The following ZNF248 variants were observed in gnomAD, a reference collection of about 807,000 sequenced individuals.
The protein encoded by ZNF248 is KRAB protein domain.
Under a neutral mutation model 44.3 loss-of-function variants are expected in ZNF248, and 20 were observed. The ratio of observed to expected loss-of-function variants is 0.45; its 90% confidence interval spans 0.32 to 0.66. ZNF248 has a LOEUF of 0.66. Among genes scored for constraint, ZNF248 ranks in the 30% least tolerant of loss-of-function variants. The pLI is 0.04. For missense variants in ZNF248, 654 were observed against 677.0 expected, an observed-to-expected ratio of 0.97 and a Z score of 0.38; for synonymous variants, 224 against 229.0, an observed-to-expected ratio of 0.98 and a Z score of 0.20.
At chr10:37,795,713 A>G (rs2049075219) in intron 6 of ZNF248, 1 of 152,178 alleles carries the variant, frequency 6.6e-6, no homozygotes, top group Non-Finnish European at 1.5e-5. Context: ...TATCACATTC[A>G]TGAGGCACCT....
chr10:37,824,719 T>C, downstream of ZNF248, among the ~76,000 whole-genome samples: 1 of 116,852 alleles, frequency 8.6e-6, no homozygotes, highest in South Asian at 3.0e-4. Context: ...TCTCCCTCTG[T>C]AGCCCAGGCT....
intron 3 of ZNF248, among the ~76,000 whole-genome samples, 155 bp from the exon 4 acceptor site, chr10:37,838,266 T>C (rs527833486): frequency 8.5e-5 from 13 of 152,332 alleles, no homozygotes; most frequent in East Asian, 3.9e-4. Flanking sequence ...CTTGTATAAA[T>C]TGAGTTTCTA....
chr10:37,776,641 T>C lies in ZNF248; in HGVS notation c.331-66A>G, dbSNP rs533081676. On this transcript the variant is annotated intron_variant, in intron 6 of 6. Transcript: ENST00000615949. Reference sequence around the variant, plus strand: ...GGTTCCAAATCTCAAAGAACTTCCTTGTCTAAACTCTGAAGGCACTGACTA... The same window carrying C: ...GGTTCCAAATCTCAAAGAACTTCCTCGTCTAAACTCTGAAGGCACTGACTA... The C allele has an allele frequency of 5.6e-5, 22 of 396,072 alleles. No individual in the cohort carries two copies. In the South Asian group the frequency reaches 2.7e-3, roughly 49 times the overall value. The allele number at this position is 396,072 out of a possible 1,614,324, so 24.5% of individuals were successfully genotyped here.
chr10:37,834,863 T>C (rs749606910), intron 5 of ZNF248, among the ~76,000 whole-genome samples: 8 of 152,186 alleles, frequency 5.3e-5, no homozygotes, highest in South Asian at 2.1e-4. Context: ...ATTTAAGATA[T>C]AGAATAGGAC....
intron 3 of ZNF248, among the ~76,000 whole-genome samples, chr10:37,841,093 G>A (rs986527136): frequency 1.3e-5 from 2 of 152,292 alleles, no homozygotes; most frequent in South Asian, 2.1e-4. Flanking sequence ...TTGTGTCATA[G>A]ATGAAAAGGC....
chr10:37,825,696 C>T (rs2054269590), downstream of ZNF248, among the ~76,000 whole-genome samples: 1 of 152,158 alleles, frequency 6.6e-6, no homozygotes. Context: ...CCACGTCGGC[C>T]TCCCAAAGTG....
the ZNF248 span, among the ~76,000 whole-genome samples, chr10:37,762,493 T>C: frequency 2.0e-5 from 3 of 152,152 alleles, no homozygotes; most frequent in Non-Finnish European, 2.9e-5. Context: ...GTATCAGGGG[T>C]AAGCAAACTT....
intron 3 of ZNF248, among the ~76,000 whole-genome samples, chr10:37,854,008 A>C (rs1168662315): frequency 6.6e-6 from 1 of 152,318 alleles, no homozygotes; most frequent in Non-Finnish European, 1.5e-5. Flanking sequence ...CACAAGGAGA[A>C]GAAAGCATCA....
At chr10:37,819,249 G>A (rs1412933309) in intron 6 of ZNF248, 12 of 865,160 alleles carry the variant, frequency 1.4e-5, no homozygotes, top group African/African-American at 6.6e-5. Context: ...AATTTGTGCC[G>A]TTTCAGATAG....
In ZNF248 at chr10:37,829,548, C is replaced by A; in HGVS notation, c.*2067G>T. On this transcript the variant is annotated 3_prime_UTR_variant, in exon 6 of 6. Coordinates refer to ENST00000395867, the MANE Select transcript of ZNF248 (RefSeq NM_021045.3). The stretch of plus-strand genomic sequence containing the variant: ...CCTTCAGCTCTAAGTATCAGACAGC[C>A]CTAAGACCAAATAAAAAACAGTTAT... 1 of 985,304 alleles carries A rather than the reference C, an allele frequency of 1.0e-6. No individual in the cohort carries two copies. The highest frequency in any genetic ancestry group is 4.7e-5 in the South Asian group (1 of 21,274). 61.0% of individuals were successfully genotyped at this position (985,304 alleles called of 1,614,324 possible). A position where few individuals can be genotyped will look rare whatever the true frequency, so the allele number is the denominator to read the frequency against.
chr10:37,813,507 CATCA>C (rs1173201851), intron 6 of ZNF248, among the ~76,000 whole-genome samples: 2 of 152,174 alleles, frequency 1.3e-5, no homozygotes, highest in Non-Finnish European at 2.9e-5. Flanking sequence ...CCCTCCTCCT[CATCA>C]GCCTATTCAA....
At chr10:37,834,324 G>A (rs2056627748) in intron 5 of ZNF248, among the ~76,000 whole-genome samples, 1 of 151,926 alleles carries the variant, frequency 6.6e-6, no homozygotes, top group Non-Finnish European at 1.5e-5. Flanking sequence ...TCCAGAACTT[G>A]GCAGGTGTTA....
downstream of ZNF248, among the ~76,000 whole-genome samples, chr10:37,826,912 A>G (rs116589505): frequency 7.2e-4 from 109 of 152,320 alleles, no homozygotes; most frequent in African/African-American, 2.5e-3. Flanking sequence ...GCTCATATAT[A>G]TTGGTTACAG....
intron 3 of ZNF248, among the ~76,000 whole-genome samples, chr10:37,854,845 C>T (rs1333698877): frequency 6.6e-6 from 1 of 152,176 alleles, no homozygotes; most frequent in African/African-American, 2.4e-5. Flanking sequence ...TATTCATGTT[C>T]TGTCAGAGAA....
chr10:37,797,732 A>T (rs2049323289), intron 6 of ZNF248, among the ~76,000 whole-genome samples: 1 of 152,164 alleles, frequency 6.6e-6, no homozygotes. Context: ...CATTAGGGAA[A>T]ATCAACTCAA....
rs751553935 is a variant in ZNF248, at chr10:37,832,975, G to T, written c.380C>A (p.Thr127Lys). 2.5e-6 allele frequency: 4 copies of T among 1,613,638 alleles called. No individual in the cohort carries two copies. In the East Asian group the frequency reaches 8.9e-5, roughly 36 times the overall value. ...DRGSKTFNLG[T>K]DPVSLRNYPY... is the part of the protein sequence containing the mutation. ...ATAATTTCTTAAAGAAACAGGGTCTGTGCCCAAATTGAAAGTTTTGCTTCC... is the reference window on the plus strand; with the variant it reads ...ATAATTTCTTAAAGAAACAGGGTCTTTGCCCAAATTGAAAGTTTTGCTTCC... Residue 127 changes from threonine to lysine, a missense_variant, in exon 6 of 6, where the codon ACA becomes AAA. Transcript: ENST00000395867.
intron 5 of ZNF248, among the ~76,000 whole-genome samples, chr10:37,836,691 G>T (rs185959642): frequency 9.2e-5 from 14 of 151,804 alleles, no homozygotes; most frequent in African/African-American, 3.1e-4. Context: ...CACTTACCAT[G>T]ACCCAACACA....
intron 6 of ZNF248, among the ~76,000 whole-genome samples, chr10:37,813,924 T>C (rs2051988765): frequency 6.6e-6 from 1 of 152,212 alleles, no homozygotes; most frequent in Admixed American, 6.5e-5. Context: ...GATTAGAACC[T>C]GAGTCTCTTG....
In ZNF248 at chr10:37,820,191, G is replaced by T. The variant is rs754831532; in HGVS notation, c.330+12834C>A. ...AGAATTCTTACTGTTTTCTAGTGCA[G>T]ATATTTTTTATATTGTGAGGTCGGA... On this transcript the variant is annotated intron_variant, in intron 6 of 6. Coordinates refer to the ZNF248 transcript ENST00000615949. The T allele has an allele frequency of 1.5e-4, 192 of 1,257,834 alleles. 2 individuals are homozygous for T. Among genetic ancestry groups the T allele is most frequent in the Non-Finnish European group, 2.0e-4 (174 of 857,948 alleles). 77.9% of individuals were successfully genotyped at this position (1,257,834 alleles called of 1,614,324 possible). A position where few individuals can be genotyped will look rare whatever the true frequency, so the allele number is the denominator to read the frequency against.
Sources: allele counts gnomAD v4.1 joint callset (sites outside exome capture counted in the v4.1 genomes callset), GRCh38; gene constraint gnomAD v4.1.1; transcripts MANE v1.5; gene names NCBI Gene and HGNC (gene_info 2026-07-23, HGNC 2026-07-21).